Variants in TMC3 observed in about 807,000 individuals in gnomAD.
TMC3 encodes transmembrane channel like 3.
TMC3 carries 98 observed loss-of-function variants against 110.6 expected under a neutral mutation model. That is an observed-to-expected ratio of 0.89 (90% CI 0.75 to 1.05). The LOEUF is 1.05. TMC3 is among the 50% of genes least tolerant of loss of function. TMC3 has a pLI of 0.00. For synonymous variants in TMC3, 489 were observed against 513.1 expected (o/e 0.95, Z 0.63); for missense variants, 1,319 against 1,373.2 (o/e 0.96, Z 0.62).
In TMC3 at chr15:81,361,530, A is replaced by AT. The variant is rs201803343; in HGVS notation, c.394+689dup. ...AACTTCATTTGCATTCTTCTTTATA[A>AT]TTTTTTTATTAATCTCTTGGATATT... On this transcript the variant is annotated intron_variant, in intron 4 of 21. Transcript: ENST00000359440. Among the ~76,000 whole-genome samples the AT allele has an allele frequency of 9.5e-3, 1,448 of 152,058 alleles. 17 individuals are homozygous for AT. The highest frequency in any genetic ancestry group is 0.012 in the Non-Finnish European group (838 of 67,960).
Position 81,344,752 on chromosome 15 carries a change from G to T in TMC3, c.1518+14C>A. ...ATGGATATGACAGAGCTTTGTAAGG[G>T]TAAAGAGAACCACCTGACCAACGTA... On this transcript the variant is annotated intron_variant, in intron 13 of 21. Coordinates refer to ENST00000359440, the MANE Select transcript of TMC3 (RefSeq NM_001080532.3). 1.2e-6 allele frequency: 2 copies of T among 1,612,784 alleles called. No individual in the cohort carries two copies. The highest frequency in any genetic ancestry group is 1.7e-6 in the Non-Finnish European group (2 of 1,179,494).
Position 81,351,708 on chromosome 15 carries a change from A to G in TMC3, c.1069T>C (p.Trp357Arg). 1 of 1,555,494 alleles carries G rather than the reference A, an allele frequency of 6.4e-7. No homozygotes were observed. The highest frequency in any genetic ancestry group is 1.2e-5 in the South Asian group (1 of 84,220). ...GCAGTGGGTACCTCATTCTTTTCCC[A>G]AAGTGTCAGCTCCTTCTTCGACTGC... ...LEQSKKELTL[W>R]EKNEVSVVVS... Residue 357 changes from tryptophan (W) to arginine (R), a missense_variant, in exon 10 of 22, where the codon TGG becomes CGG. Transcript: ENST00000359440.
chr15:81,363,734 G>A (rs1170246871), intron 3 of TMC3, among the ~76,000 whole-genome samples: 1 of 152,176 alleles, frequency 6.6e-6, no homozygotes, highest in Non-Finnish European at 1.5e-5. Context: ...CTCGCATAAT[G>A]TTTATCATAT....
chr15:81,345,297 C>A (rs111422281), intron 12 of TMC3, among the ~76,000 whole-genome samples: 1 of 148,512 alleles, frequency 6.7e-6, no homozygotes, highest in African/African-American at 2.6e-5. Context: ...CTTTAGATAA[C>A]GATTATTACC....
chr15:81,359,298 G>T, intron 5 of TMC3, 67 bp downstream of exon 5: 2 of 1,148,550 alleles, frequency 1.7e-6, no homozygotes, highest in Non-Finnish European at 2.5e-6. Context: ...AACCAGAGGA[G>T]CCATTTTATG....
chr15:81,337,893 G>T lies in TMC3; in HGVS notation c.2113C>A (p.Arg705=), dbSNP rs191284515. The T allele has an allele frequency of 4.3e-6, 7 of 1,613,980 alleles. No individual in the cohort carries two copies. In the East Asian group the frequency reaches 1.6e-4, roughly 36 times the overall value. ...MLIYYLQSIA[R]SLKLSNHQLK... ...TGGTGGTTGCTGAGCTTTAGAGACC[G>T]TGCGATGCTCTGGAGATAATAGATG... Residue 705 remains arginine (R), a synonymous_variant, in exon 19 of 22, where the codon CGG becomes AGG. Transcript: ENST00000359440.
intron 3 of TMC3, among the ~76,000 whole-genome samples, chr15:81,367,002 A>G (rs892011178): frequency 6.6e-6 from 1 of 152,186 alleles, no homozygotes; most frequent in Non-Finnish European, 1.5e-5. Context: ...TAAATCATCA[A>G]GGCTTTTAGA....
At chr15:81,367,115 T>C (rs1336407525) in intron 3 of TMC3, among the ~76,000 whole-genome samples, 4 of 152,130 alleles carry the variant, frequency 2.6e-5, no homozygotes, top group Non-Finnish European at 4.4e-5. Context: ...TTCAAAAACA[T>C]AGAAAAATCT....
intron 10 of TMC3, among the ~76,000 whole-genome samples, chr15:81,351,348 CTTTTTTTTTTTT>C (rs35807579): frequency 9.9e-6 from 1 of 101,312 alleles, no homozygotes. Flanking sequence ...CTCTCTCTCT[CTTTTTTTTTTTT>C]TTTTTTTTTT....
intron 2 of TMC3, among the ~76,000 whole-genome samples, chr15:81,369,886 A>G (rs1894396741): frequency 6.6e-6 from 1 of 152,216 alleles, no homozygotes; most frequent in Non-Finnish European, 1.5e-5. Context: ...TGATCCAGCC[A>G]CTGCACTCCA....
rs535906792 is a variant in TMC3 at position 81,346,360 on chromosome 15, C to G, written c.1272+5G>C. 7 of 1,613,368 alleles carry G rather than the reference C, an allele frequency of 4.3e-6. No homozygotes were observed. Among genetic ancestry groups the G allele is most frequent in the Non-Finnish European group, 5.9e-6 (7 of 1,179,652 alleles). ...GGCAGGCAACTATCTGGGATGGGCA[C>G]TCACCTCAATGCTCATGCTGTTAAC... On this transcript the variant is annotated splice_donor_5th_base_variant and intron_variant, in intron 12 of 21. Coordinates refer to ENST00000359440, the MANE Select transcript of TMC3 (RefSeq NM_001080532.3).
At position 81,331,423 on chromosome 15, in the gene TMC3, A is replaced by T. The variant is rs182846357; in HGVS notation, c.*996T>A. 1 of 152,386 alleles carries T rather than the reference A, an allele frequency of 6.6e-6. No homozygotes were observed. Among genetic ancestry groups the T allele is most frequent in the East Asian group, 1.9e-4 (1 of 5,194 alleles). The allele number at this position is 152,386 out of a possible 1,614,324, so 9.4% of individuals were successfully genotyped here. On this transcript the variant is annotated 3_prime_UTR_variant, in exon 22 of 22. Transcript: ENST00000359440. ...ACAGATAAGGCTTGCTGAGCACAGA[A>T]GGAAAAACAGGCAGTTAGTGTTCTT... is the stretch of plus-strand genomic sequence containing the variant.
intron 2 of TMC3, among the ~76,000 whole-genome samples, chr15:81,368,875 G>A (rs1368919372): frequency 6.6e-6 from 1 of 151,866 alleles, no homozygotes; most frequent in Non-Finnish European, 1.5e-5. Flanking sequence ...GAATTAACCT[G>A]ATATCTCTGC....
chr15:81,350,964 A>C (rs1893934007), intron 10 of TMC3, among the ~76,000 whole-genome samples: 1 of 152,224 alleles, frequency 6.6e-6, no homozygotes, highest in Admixed American at 6.5e-5. Context: ...ATTATTTGTC[A>C]TTTAGATATT....
chr15:81,353,931 A>G (rs1423242766), intron 9 of TMC3, among the ~76,000 whole-genome samples: 1 of 152,238 alleles, frequency 6.6e-6, no homozygotes, highest in East Asian at 1.9e-4. Context: ...GAATAAGTAA[A>G]TAAAGGAGCA....
intron 11 of TMC3, 118 bp downstream of exon 11, chr15:81,349,340 C>A: frequency 1.9e-6 from 1 of 526,530 alleles, no homozygotes; most frequent in South Asian, 5.9e-5. Flanking sequence ...AGGTAAAGTT[C>A]TGTGCTGATT....
At chr15:81,337,350 G>T (rs1893619686) in intron 19 of TMC3, among the ~76,000 whole-genome samples, 1 of 152,134 alleles carries the variant, frequency 6.6e-6, no homozygotes, top group Non-Finnish European at 1.5e-5. Flanking sequence ...GGGAGCGTGT[G>T]TCTCCCTGGG....
chr15:81,358,016 A>C, intron 7 of TMC3, 133 bp downstream of exon 7: 1 of 1,149,738 alleles, frequency 8.7e-7, no homozygotes, highest in Non-Finnish European at 1.2e-6. Flanking sequence ...TACACATATC[A>C]TAACACTTGA....
chr15:81,350,999 A>C (rs1351404195), intron 10 of TMC3, among the ~76,000 whole-genome samples: 2 of 152,232 alleles, frequency 1.3e-5, no homozygotes, highest in African/African-American at 4.8e-5. Context: ...ATATTCACGA[A>C]TGACACCTGG....
Sources: allele counts gnomAD v4.1 joint callset (sites outside exome capture counted in the v4.1 genomes callset), GRCh38; gene constraint gnomAD v4.1.1; transcripts MANE v1.5; gene names NCBI Gene and HGNC (gene_info 2026-07-23, HGNC 2026-07-21).